The following FLT3 variants were observed in gnomAD, a reference collection of about 807,000 sequenced individuals.
FLT3 encodes the protein receptor-type tyrosine-protein kinase FLT3.
Under a neutral mutation model 126.6 loss-of-function variants are expected in FLT3, and 46 were observed. The observed-to-expected ratio is 0.36, with a 90% CI of 0.29 to 0.46. The LOEUF is 0.46. Among genes scored for constraint, FLT3 ranks in the 20% least tolerant of loss-of-function variants. FLT3 has a pLI of 1.00. For synonymous variants in FLT3, 404 were observed against 434.4 expected (o/e 0.93, Z 0.87); for missense variants, 1,069 against 1,190.3 (o/e 0.90, Z 1.50).
At chr13:28,092,510 G>A (rs1375474892) in intron 1 of FLT3, among the ~76,000 whole-genome samples, 2 of 151,956 alleles carry the variant, frequency 1.3e-5, no homozygotes, top group Non-Finnish European at 2.9e-5. Flanking sequence ...GGGCTTACAG[G>A]TGCACACCAC....
chr13:28,081,699 T>A (rs1878320932), intron 1 of FLT3, among the ~76,000 whole-genome samples: 1 of 152,148 alleles, frequency 6.6e-6, no homozygotes, highest in Non-Finnish European at 1.5e-5. Flanking sequence ...GGAAAAGATT[T>A]ATTAATTTAC....
rs569801288 is a variant in FLT3 at position 28,059,842 on chromosome 13, C to T, written c.368+2025G>A. On this transcript the variant is annotated intron_variant, in intron 3 of 23. Coordinates refer to ENST00000241453, the MANE Select transcript of FLT3 (RefSeq NM_004119.3). ...GGGCGTGGTGGCAGGTGCCTGTAAT[C>T]CCAGCTACTCGGGAGGCTGAGGCAG... is the stretch of plus-strand genomic sequence containing the variant. 2.6e-5 allele frequency among the ~76,000 whole-genome samples: 4 copies of T among 152,088 alleles called. No individual in the cohort carries two copies. The South Asian group carries it at 8.3e-4, about 32-fold the overall frequency.
At chr13:28,046,825 GGATCAA>G (rs1874927581) in intron 9 of FLT3, among the ~76,000 whole-genome samples, 1 of 151,994 alleles carries the variant, frequency 6.6e-6, no homozygotes, top group Non-Finnish European at 1.5e-5. Flanking sequence ...CAAACTCCTA[GGATCAA>G]GCGATCCACC....
At chr13:28,069,686 T>G (rs1877333810) in intron 2 of FLT3, among the ~76,000 whole-genome samples, 1 of 152,196 alleles carries the variant, frequency 6.6e-6, no homozygotes, top group Non-Finnish European at 1.5e-5. Flanking sequence ...GTACTGAACA[T>G]GTACCGACTT....
intron 3 of FLT3, among the ~76,000 whole-genome samples, chr13:28,057,973 A>G (rs1566088472): frequency 6.6e-6 from 1 of 151,784 alleles, no homozygotes; most frequent in Non-Finnish European, 1.5e-5. Flanking sequence ...CAGGAGGTAA[A>G]GGCTGCAGCA....
rs73436965 is a variant in FLT3, at chr13:28,023,222, C to T, written c.2418+128G>A. ...AGAGCCAAGGTAACACGCTAGGTGA[C>T]TCCAACAGTGAACAGGGGAGAAAAG... On this transcript the variant is annotated intron_variant, in intron 19 of 23. Coordinates refer to ENST00000241453, the MANE Select transcript of FLT3 (RefSeq NM_004119.3). 0.029 allele frequency: 27,098 copies of T among 942,016 alleles called. 1,880 individuals are homozygous for T. The highest frequency in any genetic ancestry group is 0.24 in the African/African-American group (14,411 of 60,386). The allele number at this position is 942,016 out of a possible 1,614,324, so 58.4% of individuals were successfully genotyped here. A position where few individuals can be genotyped will look rare whatever the true frequency, so the allele number is the denominator to read the frequency against.
At chr13:28,082,987 T>C (rs1878435590) in intron 1 of FLT3, among the ~76,000 whole-genome samples, 1 of 151,362 alleles carries the variant, frequency 6.6e-6, no homozygotes, top group Admixed American at 6.6e-5. Flanking sequence ...ATTACAGGCA[T>C]GAGCCACCGC....
intron 1 of FLT3, among the ~76,000 whole-genome samples, chr13:28,078,849 G>T (rs908187162): frequency 1.3e-5 from 2 of 152,016 alleles, no homozygotes; most frequent in Non-Finnish European, 1.5e-5. Flanking sequence ...AAGTAGCTGG[G>T]ACTAAAGGTG....
At chr13:28,095,789 T>C (rs1325474791) in intron 1 of FLT3, among the ~76,000 whole-genome samples, 1 of 152,138 alleles carries the variant, frequency 6.6e-6, no homozygotes, top group Non-Finnish European at 1.5e-5. Flanking sequence ...GCTTGCCGAG[T>C]GTCATGCAAG....
rs73154835 is a variant in FLT3 at position 28,055,415 on chromosome 13, A to T, written c.484+1932T>A. On this transcript the variant is annotated intron_variant, in intron 4 of 23. Coordinates refer to ENST00000241453, the MANE Select transcript of FLT3 (RefSeq NM_004119.3). Reference sequence around the variant, plus strand: ...GCTCATTTTGTCAGTATTCATCTTTAAAAAAGTAGAACTGAAATGAATAAG... The same window carrying T: ...GCTCATTTTGTCAGTATTCATCTTTTAAAAAGTAGAACTGAAATGAATAAG... Among the ~76,000 whole-genome samples, 1,242 of 152,330 alleles carry T rather than the reference A, an allele frequency of 8.2e-3. 6 individuals are homozygous for T. The highest frequency in any genetic ancestry group is 0.013 in the Non-Finnish European group (862 of 68,038).
intron 2 of FLT3, among the ~76,000 whole-genome samples, chr13:28,068,778 T>C (rs1278851960): frequency 1.3e-5 from 2 of 152,148 alleles, no homozygotes; most frequent in Non-Finnish European, 2.9e-5. Flanking sequence ...GGTTTCACCA[T>C]GTTCCTCAGG....
intron 3 of FLT3, 134 bp from the exon 4 acceptor site, chr13:28,057,596 C>CAG: frequency 1.6e-6 from 1 of 620,492 alleles, no homozygotes; most frequent in Admixed American, 2.6e-5. Flanking sequence ...GTGGAGAACA[C>CAG]AGCTTCTGTC....
chr13:28,078,077 G>C (rs1232484955), intron 1 of FLT3, among the ~76,000 whole-genome samples: 1 of 152,190 alleles, frequency 6.6e-6, no homozygotes, highest in African/African-American at 2.4e-5. Context: ...TTCATGGGCT[G>C]GCATTGTGTC....
chr13:28,006,728 C>CTTTT (rs753656559), intron 23 of FLT3, among the ~76,000 whole-genome samples: 74 of 132,892 alleles, frequency 5.6e-4, no homozygotes, highest in Non-Finnish European at 8.9e-4. Flanking sequence ...CCTTTCTTTC[C>CTTTT]TTTTTTTTTT....
In FLT3 at chr13:28,029,262, C is replaced by T. The variant is rs987408115; in HGVS notation, c.1943-974G>A. On this transcript the variant is annotated intron_variant, in intron 15 of 23. Transcript: ENST00000241453. Reference sequence around the variant, plus strand: ...AAAAAATTAGCCGGGCGTGCCGGTGCGTACCTGTAATTCCAGCTACTCAGG... The same window carrying T: ...AAAAAATTAGCCGGGCGTGCCGGTGTGTACCTGTAATTCCAGCTACTCAGG... 2.0e-5 allele frequency among the ~76,000 whole-genome samples: 3 copies of T among 152,264 alleles called. No homozygotes were observed. In the South Asian group the frequency reaches 6.2e-4, roughly 32 times the overall value.
rs140522592 is a variant in FLT3, at chr13:28,010,656, C to T, written c.2859+3796G>A. On this transcript the variant is annotated intron_variant, in intron 23 of 23. Transcript: ENST00000241453. ...ACCTATGTTTTCTCCATGCATTTCC[C>T]ACTCTTTCTCTCTGGTTCTCTGAGG... Among the ~76,000 whole-genome samples, 1,342 of 152,274 alleles carry T rather than the reference C, an allele frequency of 8.8e-3. 15 individuals carry two copies. The highest frequency in any genetic ancestry group is 0.028 in the African/African-American group (1,169 of 41,562).
chr13:28,098,465 A>T (rs1879615961), intron 1 of FLT3, among the ~76,000 whole-genome samples: 1 of 152,186 alleles, frequency 6.6e-6, no homozygotes, highest in African/African-American at 2.4e-5. Context: ...GAAAATCCAT[A>T]ATACAAAGTA....
At chr13:28,037,939 T>C (rs1053368082) in intron 9 of FLT3, among the ~76,000 whole-genome samples, 1 of 152,180 alleles carries the variant, frequency 6.6e-6, no homozygotes, top group African/African-American at 2.4e-5. Flanking sequence ...TAGAACAGTT[T>C]CATCCCGAAA....
chr13:28,081,799 A>T (rs1227015186), intron 1 of FLT3, among the ~76,000 whole-genome samples: 1 of 110,044 alleles, frequency 9.1e-6, no homozygotes, highest in Non-Finnish European at 2.0e-5. Context: ...TAATATTTTT[A>T]TTATAATTTT....
Sources: allele counts gnomAD v4.1 joint callset (sites outside exome capture counted in the v4.1 genomes callset), GRCh38; gene constraint gnomAD v4.1.1; transcripts MANE v1.5; gene names NCBI Gene and HGNC (gene_info 2026-07-23, HGNC 2026-07-21).